SLC8A1: variants seen among roughly 807,000 people sequenced by gnomAD.
SLC8A1 encodes the protein solute carrier family 8 member A1, also known as sodium/calcium exchanger 1.
SLC8A1 carries 18 observed loss-of-function variants against 68.3 expected under a neutral mutation model. The ratio of observed to expected loss-of-function variants is 0.26; its 90% CI spans 0.18 to 0.39. SLC8A1 has a LOEUF of 0.39. Ranked by LOEUF, SLC8A1 falls within the 10% of genes least tolerant of loss-of-function variation. The pLI, the probability that SLC8A1 is intolerant of heterozygous loss-of-function variation, is 1.00. For missense variants in SLC8A1, 985 were observed against 1,156.7 expected, an observed-to-expected ratio of 0.85 and a Z score of 2.15; for synonymous variants, 475 against 415.5, an observed-to-expected ratio of 1.14 and a Z score of -1.74.
chr2:40,411,630 C>T (rs1359054338), intron 2 of SLC8A1, among the ~76,000 whole-genome samples: 1 of 151,464 alleles, frequency 6.6e-6, no homozygotes, highest in African/African-American at 2.4e-5. Context: ...CAAAAACAAA[C>T]AATAGGGGCC....
intron 2 of SLC8A1, among the ~76,000 whole-genome samples, chr2:40,249,287 C>T (rs1049845989): frequency 2.6e-5 from 4 of 152,100 alleles, no homozygotes; most frequent in African/African-American, 9.7e-5. Context: ...AAATGCCTAT[C>T]CGTTTTTGAG....
At chr2:40,195,314 G>A (rs1242241973) in intron 2 of SLC8A1, among the ~76,000 whole-genome samples, 1 of 152,048 alleles carries the variant, frequency 6.6e-6, no homozygotes, top group Non-Finnish European at 1.5e-5. Context: ...TGGAACTGGA[G>A]AATAGTTCAG....
Position 40,354,595 on chromosome 2 carries a change from A to C in SLC8A1, c.1808+73878T>G, listed in dbSNP as rs936306244. Among the ~76,000 whole-genome samples the C allele has an allele frequency of 7.9e-5, 12 of 152,306 alleles. No individual in the cohort carries two copies. The South Asian group carries it at 8.3e-4, about 11-fold the overall frequency. On this transcript the variant is annotated intron_variant, in intron 2 of 7. Transcript: ENST00000406785. ...GTGTGAAGGTGACTCTACAGAGCACAGTAGTAAGGAGGGGTTGCTTCTTCT... is the reference window on the plus strand; with the variant it reads ...GTGTGAAGGTGACTCTACAGAGCACCGTAGTAAGGAGGGGTTGCTTCTTCT...
At chr2:40,124,932 A>AT (rs1211752700) in intron 7 of SLC8A1, among the ~76,000 whole-genome samples, 13 of 152,188 alleles carry the variant, frequency 8.5e-5, no homozygotes, top group East Asian at 7.7e-4. Context: ...CTGTATACAC[A>AT]TTTTTTGTGC....
At chr2:40,255,519 A>G (rs2063770796) in intron 2 of SLC8A1, among the ~76,000 whole-genome samples, 1 of 152,236 alleles carries the variant, frequency 6.6e-6, no homozygotes, top group South Asian at 2.1e-4. Flanking sequence ...AGTGTTCTGG[A>G]CTAAGTGTCA....
chr2:40,469,473 C>T (rs564916292), intron 1 of SLC8A1, among the ~76,000 whole-genome samples: 2 of 152,170 alleles, frequency 1.3e-5, no homozygotes, highest in Non-Finnish European at 1.5e-5. Context: ...TGAAGAACTG[C>T]AAGTCAATTA....
chr2:40,382,374 C>T (rs1452372806), intron 2 of SLC8A1, among the ~76,000 whole-genome samples: 5 of 142,858 alleles, frequency 3.5e-5, no homozygotes, highest in South Asian at 2.1e-4. Context: ...GATGGTAGAA[C>T]TGCACATTTG....
chr2:40,320,997 G>T (rs970693561), intron 2 of SLC8A1, among the ~76,000 whole-genome samples: 1 of 152,110 alleles, frequency 6.6e-6, no homozygotes, highest in African/African-American at 2.4e-5. Flanking sequence ...TGTGTGAGAA[G>T]GAGCCATGCA....
chr2:40,162,136 T>TAGGGTGATGACCTTTCAGC (rs1449466591), intron 5 of SLC8A1, among the ~76,000 whole-genome samples: 1 of 152,194 alleles, frequency 6.6e-6, no homozygotes, highest in Non-Finnish European at 1.5e-5. Flanking sequence ...TGTATGTCCT[T>TAGGGTGATGACCTTTCAGC]AGGGTGATGA....
intron 2 of SLC8A1, among the ~76,000 whole-genome samples, chr2:40,235,933 G>C (rs1293466034): frequency 2.0e-5 from 3 of 151,720 alleles, no homozygotes; most frequent in African/African-American, 7.3e-5. Flanking sequence ...TTAATCCTGA[G>C]TTCTAGTTTG....
chr2:40,335,113 A>AATAGATATAGGGAAAT (rs1374638932), intron 2 of SLC8A1, among the ~76,000 whole-genome samples: 2 of 152,242 alleles, frequency 1.3e-5, no homozygotes, highest in African/African-American at 4.8e-5. Context: ...TGCTAAGATA[A>AATAGATATAGGGAAAT]ATAGATATAG....
intron 7 of SLC8A1, among the ~76,000 whole-genome samples, chr2:40,129,215 G>A (rs2038805071): frequency 6.6e-6 from 1 of 150,804 alleles, no homozygotes; most frequent in Non-Finnish European, 1.5e-5. Flanking sequence ...CCAGAAAACA[G>A]TGGTCCTTGA....
chr2:40,389,433 C>T (rs572675515), intron 2 of SLC8A1, among the ~76,000 whole-genome samples: 38 of 152,166 alleles, frequency 2.5e-4, no homozygotes, highest in Non-Finnish European at 5.0e-4. Flanking sequence ...TTTCCTCACT[C>T]TGAAAGATAA....
chr2:40,424,067 T>C (rs1696216963), intron 2 of SLC8A1, among the ~76,000 whole-genome samples: 1 of 151,968 alleles, frequency 6.6e-6, no homozygotes, highest in Non-Finnish European at 1.5e-5. Context: ...GCTTTAAAGG[T>C]AGCAGATAAA....
At chr2:40,496,934 G>A (rs1705742541) in intron 1 of SLC8A1, among the ~76,000 whole-genome samples, 1 of 115,880 alleles carries the variant, frequency 8.6e-6, no homozygotes, top group Admixed American at 1.0e-4. Context: ...TGGGGTGGGG[G>A]GAGGGGGGAG....
intron 1 of SLC8A1, among the ~76,000 whole-genome samples, chr2:40,479,224 C>A (rs1329429200): frequency 6.6e-6 from 1 of 152,172 alleles, no homozygotes; most frequent in East Asian, 1.9e-4. Context: ...GGTGGAAATT[C>A]AATTTTAAAT....
chr2:40,503,442 TA>T (rs1268227535), intron 1 of SLC8A1, among the ~76,000 whole-genome samples: 1 of 152,010 alleles, frequency 6.6e-6, no homozygotes, highest in Non-Finnish European at 1.5e-5. Flanking sequence ...AACATAGTGC[TA>T]GAAGTCCTAT....
In SLC8A1 at chr2:40,386,459, C is replaced by T. The variant is rs1038807499; in HGVS notation, c.1808+42014G>A. Among the ~76,000 whole-genome samples, 4 of 150,392 alleles carry T rather than the reference C, an allele frequency of 2.7e-5. 1 individual carries two copies. The highest frequency in any genetic ancestry group is 9.9e-5 in the African/African-American group (4 of 40,206). On this transcript the variant is annotated intron_variant, in intron 2 of 7. Coordinates refer to ENST00000406785, the Ensembl canonical transcript of SLC8A1. ...GAGGCTTTTACATTATTTAATCTCA[C>T]CAAAGAATGAATGCATGAAAAATAA...
At chr2:40,141,271 G>A (rs2041513656) in intron 6 of SLC8A1, among the ~76,000 whole-genome samples, 2 of 152,210 alleles carry the variant, frequency 1.3e-5, no homozygotes, top group Admixed American at 1.3e-4. Flanking sequence ...GATGATGATT[G>A]AGAAGACCCT....
Sources: allele counts gnomAD v4.1 joint callset (sites outside exome capture counted in the v4.1 genomes callset), GRCh38; gene constraint gnomAD v4.1.1; transcripts MANE v1.5; gene names NCBI Gene and HGNC (gene_info 2026-07-23, HGNC 2026-07-21).